LRP1B: variants seen among roughly 807,000 people sequenced by gnomAD.
LRP1B encodes the protein LDL receptor related protein 1B.
LRP1B carries 217 observed loss-of-function variants against 556.6 expected under a neutral mutation model. The observed-to-expected ratio is 0.39, with a 90% confidence interval of 0.35 to 0.44. LRP1B has a LOEUF of 0.44. LRP1B is among the 20% of genes least tolerant of loss of function. LRP1B has a pLI of 1.00. For missense variants in LRP1B, 5,053 were observed against 5,620.8 expected (o/e 0.90, Z 3.23); for synonymous variants, 2,047 against 1,865.8 (o/e 1.10, Z -2.50).
At chr2:141,358,484 G>T (rs772913848) in intron 3 of LRP1B, among the ~76,000 whole-genome samples, 12 of 152,184 alleles carry the variant, frequency 7.9e-5, no homozygotes, top group Non-Finnish European at 1.8e-4. Flanking sequence ...GATTTATCAG[G>T]TGAGATACCC....
chr2:141,899,272 A>C (rs1036604836), intron 1 of LRP1B, among the ~76,000 whole-genome samples: 3 of 152,162 alleles, frequency 2.0e-5, no homozygotes, highest in Non-Finnish European at 4.4e-5. Context: ...ATGAAGATTT[A>C]GTTCCCAAAG....
intron 1 of LRP1B, among the ~76,000 whole-genome samples, chr2:141,927,025 A>G (rs780366829): frequency 2.0e-5 from 3 of 152,166 alleles, no homozygotes; most frequent in Non-Finnish European, 2.9e-5. Flanking sequence ...TTACTGAATC[A>G]GAATCATACC....
At chr2:140,304,815 C>A (rs13028853) in intron 83 of LRP1B, among the ~76,000 whole-genome samples, 50,285 of 152,010 alleles carry the variant, frequency 0.33, 9,065 homozygotes, top group Non-Finnish European at 0.42. Context: ...TTTAATCCAT[C>A]TTGAATTAAT....
At chr2:141,204,269 G>A (rs1197129112) in intron 6 of LRP1B, among the ~76,000 whole-genome samples, 1 of 152,124 alleles carries the variant, frequency 6.6e-6, no homozygotes, top group Non-Finnish European at 1.5e-5. Flanking sequence ...CAAGAATCAA[G>A]TCCAACAATC....
At chr2:141,823,538 T>C (rs1007682134) in intron 1 of LRP1B, among the ~76,000 whole-genome samples, 1 of 152,126 alleles carries the variant, frequency 6.6e-6, no homozygotes, top group African/African-American at 2.4e-5. Context: ...AATAAAAGAA[T>C]ACAAGATTGT....
intron 77 of LRP1B, among the ~76,000 whole-genome samples, chr2:140,340,695 A>G (rs1003032601): frequency 7.3e-5 from 11 of 151,714 alleles, no homozygotes; most frequent in African/African-American, 2.6e-4. Context: ...TCTAACTTTT[A>G]AAATTAACAT....
rs1258998234 is a variant in LRP1B at position 140,872,049 on chromosome 2, A to AAG, written c.4170-3787_4170-3786insCT. 1.4e-4 allele frequency among the ~76,000 whole-genome samples: 5 copies of AAG among 35,282 alleles called. No individual in the cohort carries two copies. In the South Asian group the frequency reaches 3.0e-3, roughly 21 times the overall value. 23.1% of individuals were successfully genotyped at this position (35,282 alleles called of 152,430 possible). ...GTGTGTTTGTATTTAAAAGTCCTTC[A>AAG]TGTTTTTTTTTTTTTCTCTCCTAGG... is the stretch of plus-strand genomic sequence containing the variant. On this transcript the variant is annotated intron_variant, in intron 25 of 90. Coordinates refer to ENST00000389484, the MANE Select transcript of LRP1B (RefSeq NM_018557.3).
chr2:140,503,578 A>C (rs1330717589), intron 53 of LRP1B, among the ~76,000 whole-genome samples: 1 of 152,070 alleles, frequency 6.6e-6, no homozygotes, highest in Non-Finnish European at 1.5e-5. Flanking sequence ...AAATGAGAAA[A>C]ATTTAAAAGT....
At chr2:140,270,196 T>C (rs756376179) in intron 86 of LRP1B, 46 bp downstream of exon 86, 25 of 1,356,840 alleles carry the variant, frequency 1.8e-5, no homozygotes, top group Non-Finnish European at 2.5e-5. Flanking sequence ...TTCATGTACA[T>C]ACAAAGGCTT....
intron 43 of LRP1B, among the ~76,000 whole-genome samples, chr2:140,596,780 A>G (rs1430053996): frequency 6.6e-6 from 1 of 152,158 alleles, no homozygotes; most frequent in Non-Finnish European, 1.5e-5. Context: ...GTGTTCCCGA[A>G]CAAGTACTAA....
At chr2:141,087,189 A>AGTATGTACTTGGT (rs111254464) in intron 7 of LRP1B, among the ~76,000 whole-genome samples, 1 of 148,468 alleles carries the variant, frequency 6.7e-6, no homozygotes, top group Admixed American at 6.8e-5. Flanking sequence ...AATACTAGTG[A>AGTATGTACTTGGT]GTATTATGCT....
intron 1 of LRP1B, among the ~76,000 whole-genome samples, chr2:142,068,813 T>G (rs1705202353): frequency 6.6e-6 from 1 of 151,580 alleles, no homozygotes; most frequent in Admixed American, 6.6e-5. Context: ...CTTTTCCAAA[T>G]TGAGTTAGTG....
rs536171716 is a variant in LRP1B, at chr2:140,979,355, A to G, written c.2887+2805T>C. ...AAGTGGCATTATTTTTTAAAAAAATAATTTTTATGAATTTACAATTAAACA... is the reference window on the plus strand; with the variant it reads ...AAGTGGCATTATTTTTTAAAAAAATGATTTTTATGAATTTACAATTAAACA... On this transcript the variant is annotated intron_variant, in intron 18 of 90. Coordinates refer to ENST00000389484, the MANE Select transcript of LRP1B (RefSeq NM_018557.3). Among the ~76,000 whole-genome samples, 20 of 152,332 alleles carry G rather than the reference A, an allele frequency of 1.3e-4. No individual in the cohort carries two copies. The South Asian group carries it at 3.9e-3, about 30-fold the overall frequency.
At chr2:140,468,229 C>G (rs1189305960) in intron 60 of LRP1B, among the ~76,000 whole-genome samples, 1 of 152,176 alleles carries the variant, frequency 6.6e-6, no homozygotes. Flanking sequence ...GCAACTCAGG[C>G]TGTCCCTTTG....
intron 1 of LRP1B, among the ~76,000 whole-genome samples, chr2:142,010,019 TATAATC>T (rs1045051125): frequency 6.6e-5 from 10 of 152,138 alleles, no homozygotes; most frequent in Admixed American, 6.5e-5. Flanking sequence ...TAGATATAGA[TATAATC>T]ATATAGGTTG....
At chr2:141,200,125 A>G (rs1574184938) in intron 6 of LRP1B, among the ~76,000 whole-genome samples, 2 of 152,152 alleles carry the variant, frequency 1.3e-5, no homozygotes, top group Admixed American at 6.6e-5. Flanking sequence ...ACATGCACGT[A>G]TATGTTAATT....
intron 35 of LRP1B, among the ~76,000 whole-genome samples, chr2:140,737,678 A>C (rs1457663960): frequency 1.3e-5 from 2 of 152,174 alleles, no homozygotes; most frequent in Non-Finnish European, 2.9e-5. Context: ...GACTGTAAAA[A>C]CTAAAAACTC....
chr2:140,605,019 G>C (rs1461758995), intron 41 of LRP1B, among the ~76,000 whole-genome samples: 1 of 151,972 alleles, frequency 6.6e-6, no homozygotes, highest in Non-Finnish European at 1.5e-5. Context: ...ACCCAGTCTC[G>C]GGTATGTCTT....
rs1706266495 is a variant in LRP1B, at chr2:142,093,913, G to A, written c.82+36735C>T. On this transcript the variant is annotated intron_variant, in intron 1 of 90. Coordinates refer to ENST00000389484, the MANE Select transcript of LRP1B (RefSeq NM_018557.3). The stretch of plus-strand genomic sequence containing the variant: ...TTAGCTGCCTTAGTTTATTTGAACT[G>A]CTATAACAAAAATGCCATAAAATGG... 2.6e-5 allele frequency among the ~76,000 whole-genome samples: 4 copies of A among 151,954 alleles called. No homozygotes were observed. In the South Asian group the frequency reaches 8.3e-4, roughly 31 times the overall value.
Sources: allele counts gnomAD v4.1 joint callset (sites outside exome capture counted in the v4.1 genomes callset), GRCh38; gene constraint gnomAD v4.1.1; transcripts MANE v1.5; gene names NCBI Gene and HGNC (gene_info 2026-07-23, HGNC 2026-07-21).